Variants in COPS5 observed in about 807,000 individuals in gnomAD.
COPS5 encodes COP9 signalosome complex subunit 5.
A neutral mutation model predicts 44.4 loss-of-function variants in COPS5; 8 were observed. That is an observed-to-expected ratio of 0.18 (90% CI 0.11 to 0.32). The LOEUF (loss-of-function observed/expected upper bound fraction) is 0.32. Among genes scored for constraint, COPS5 ranks in the 10% least tolerant of loss-of-function variants. The pLI is 1.00. For missense variants in COPS5, 159 were observed against 406.4 expected, an observed-to-expected ratio of 0.39 and a Z score of 5.23; for synonymous variants, 122 against 142.8, an observed-to-expected ratio of 0.85 and a Z score of 1.04.
chr8:67,048,398 AT>A (rs1244820650), intron 6 of COPS5, among the ~76,000 whole-genome samples: 1 of 151,750 alleles, frequency 6.6e-6, no homozygotes, highest in Non-Finnish European at 1.5e-5. Flanking sequence ...ATAACAGTAA[AT>A]ACACTGCTTC....
At chr8:67,051,188 T>G (rs1804408273) in intron 6 of COPS5, 42 bp downstream of exon 6, 2 of 1,226,962 alleles carry the variant, frequency 1.6e-6, no homozygotes, top group African/African-American at 3.0e-5. Context: ...CTATGAAGCT[T>G]AGATAAAATT....
intron 4 of COPS5, 47 bp from the exon 5 acceptor site, chr8:67,056,651 AAATATATAT>A (rs1563447203): frequency 1.8e-5 from 1 of 55,902 alleles, no homozygotes; most frequent in Non-Finnish European, 2.7e-5. Context: ...AAAAAAAAAA[AAATATATAT>A]ATATATATAT....
intron 6 of COPS5, among the ~76,000 whole-genome samples, chr8:67,050,546 T>A (rs1475050412): frequency 1.4e-5 from 2 of 147,058 alleles, no homozygotes; most frequent in African/African-American, 5.3e-5. Context: ...TGCCCGGAAA[T>A]ATGTGAGTGT....
chr8:67,061,360 CG>C, intron 1 of COPS5: 1 of 449,660 alleles, frequency 2.2e-6, no homozygotes. Context: ...AAGGCGAAGG[CG>C]GGAGGATCGC....
chr8:67,044,887 ACT>A (rs1423690751), intron 7 of COPS5: 1 of 152,344 alleles, frequency 6.6e-6, no homozygotes, highest in Non-Finnish European at 1.5e-5. Flanking sequence ...GGTGTGAACC[ACT>A]GTGCCCGGCC....
At chr8:67,057,888 A>G (rs1804535203) in intron 3 of COPS5, among the ~76,000 whole-genome samples, 195 bp downstream of exon 3, 1 of 152,336 alleles carries the variant, frequency 6.6e-6, no homozygotes, top group Non-Finnish European at 1.5e-5. Flanking sequence ...CAATTTACAG[A>G]GGGGAGAAGC....
At chr8:67,047,334 A>G (rs1298944353) in intron 6 of COPS5, among the ~76,000 whole-genome samples, 1 of 152,212 alleles carries the variant, frequency 6.6e-6, no homozygotes, top group South Asian at 2.1e-4. Flanking sequence ...AAAAGATGCA[A>G]TTATATTCAT....
At chr8:67,059,606 TG>T in intron 1 of COPS5, 161 bp from the exon 2 acceptor site, 1 of 612,456 alleles carries the variant, frequency 1.6e-6, no homozygotes. Context: ...TTTTGCAGGC[TG>T]GAAACAATAA....
intron 6 of COPS5, among the ~76,000 whole-genome samples, chr8:67,050,641 G>A (rs1413482512): frequency 6.7e-6 from 1 of 149,324 alleles, no homozygotes; most frequent in Non-Finnish European, 1.5e-5. Context: ...GTGTGTGTGT[G>A]TATCTTGACC....
At chr8:67,060,219 T>C in intron 1 of COPS5, 1 of 426,276 alleles carries the variant, frequency 2.3e-6, no homozygotes, top group Non-Finnish European at 3.3e-6. Context: ...TACATTTTGG[T>C]CTCATTAATG....
chr8:67,047,938 C>A, intron 6 of COPS5: 2 of 701,452 alleles, frequency 2.9e-6, no homozygotes, highest in Admixed American at 2.0e-5. Context: ...CTATTATGAT[C>A]ATTCTCCATC....
chr8:67,055,532 T>G (rs925901596), intron 5 of COPS5, among the ~76,000 whole-genome samples: 3 of 152,206 alleles, frequency 2.0e-5, no homozygotes, highest in Middle Eastern at 3.4e-3. Context: ...AACATTAAAA[T>G]AATTTAAGAT....
At chr8:67,057,083 T>C (rs1267647117) in intron 4 of COPS5, among the ~76,000 whole-genome samples, 1 of 152,242 alleles carries the variant, frequency 6.6e-6, no homozygotes, top group Admixed American at 6.5e-5. Context: ...TACCCTTTGC[T>C]AGGGACAGCT....
At chr8:67,057,670 AG>A (rs1261108169) in intron 3 of COPS5, among the ~76,000 whole-genome samples, 2 of 152,238 alleles carry the variant, frequency 1.3e-5, no homozygotes, top group Non-Finnish European at 2.9e-5. Context: ...TATTATTTGA[AG>A]GTTTGCTCAT....
At position 67,051,299 on chromosome 8, in the gene COPS5, A is replaced by G; in HGVS notation, c.702T>C (p.Asp234=). 1.9e-6 allele frequency: 3 copies of G among 1,612,238 alleles called. No individual in the cohort carries two copies. In the South Asian group the frequency reaches 3.3e-5, roughly 18 times the overall value. ...TCCACAACAGCTCAAGCAATTTGCG[A>G]TCCAAAGAGGATTTGAAATATGAGA... ...LEVSYFKSSL[D]RKLLELLWNK... The change falls in exon 6 of 8, where the codon GAT becomes GAC. Residue 234 remains aspartate, a synonymous_variant. Coordinates refer to ENST00000357849, the MANE Select transcript of COPS5 (RefSeq NM_006837.3).
At chr8:67,043,471 A>T in intron 7 of COPS5, 154 bp from the exon 8 acceptor site, 2 of 520,950 alleles carry the variant, frequency 3.8e-6, no homozygotes, top group Non-Finnish European at 6.8e-6. Flanking sequence ...TTGTGATTTT[A>T]TTAGTCTTCC....
chr8:67,056,714 AAT>A (rs1804519443), intron 4 of COPS5, 110 bp from the exon 5 acceptor site: 3 of 119,268 alleles, frequency 2.5e-5, no homozygotes, highest in African/African-American at 1.1e-4. Context: ...TATATATAAA[AAT>A]GAGAAAAACA....
At chr8:67,056,630 G>A (rs771235384) in intron 4 of COPS5, 26 bp from the exon 5 acceptor site, 1 of 178,264 alleles carries the variant, frequency 5.6e-6, no homozygotes, top group Non-Finnish European at 9.5e-6. Context: ...GTAAACAGAA[G>A]ATTAAGAAAA....
At chr8:67,061,770 AC>A (rs1804642259) in intron 1 of COPS5, 83 bp downstream of exon 1, 1 of 1,367,160 alleles carries the variant, frequency 7.3e-7, no homozygotes, top group African/African-American at 1.4e-5. Context: ...AAAGCTCTTC[AC>A]CCCTTTCACC....
Sources: allele counts gnomAD v4.1 joint callset (sites outside exome capture counted in the v4.1 genomes callset), GRCh38; gene constraint gnomAD v4.1.1; transcripts MANE v1.5; gene names NCBI Gene and HGNC (gene_info 2026-07-23, HGNC 2026-07-21).